MGRN1: variants seen among roughly 807,000 people sequenced by gnomAD.
MGRN1 encodes mahogunin ring finger 1.
Under a neutral mutation model 69.2 loss-of-function variants are expected in MGRN1, and 29 were observed. That is an observed-to-expected ratio of 0.42 (90% CI 0.31 to 0.57). The LOEUF (loss-of-function observed/expected upper bound fraction) is 0.57. Among genes scored for constraint, MGRN1 ranks in the 20% least tolerant of loss-of-function variants. The probability of loss-of-function intolerance (pLI) is 0.15; values close to 1 mark genes in which losing one functional copy is unlikely to be tolerated. For missense variants in MGRN1, 998 were observed against 796.2 expected (o/e 1.25, Z -3.05); for synonymous variants, 470 against 344.2 (o/e 1.37, Z -4.04).
intron 11 of MGRN1, among the ~76,000 whole-genome samples, chr16:4,678,834 A>G (rs2079112453): frequency 6.6e-6 from 1 of 152,244 alleles, no homozygotes. Context: ...GTTCACAGAC[A>G]GCGCCTTTGC....
At chr16:4,672,855 T>G (rs1054502077) in intron 9 of MGRN1, among the ~76,000 whole-genome samples, 1 of 152,246 alleles carries the variant, frequency 6.6e-6, no homozygotes, top group Admixed American at 6.5e-5. Flanking sequence ...TTGTTTGTTT[T>G]GAGATGGAGT....
intron 11 of MGRN1, among the ~76,000 whole-genome samples, chr16:4,678,310 A>G (rs953909838): frequency 6.6e-6 from 1 of 152,190 alleles, no homozygotes; most frequent in Non-Finnish European, 1.5e-5. Flanking sequence ...CCTGGCTTCA[A>G]GGACCCAAAG....
Position 4,683,252 on chromosome 16 carries a change from C to T in MGRN1, c.1511C>T (p.Ser504Leu), listed in dbSNP as rs61734739. The T allele has an allele frequency of 0.016, 26,363 of 1,613,718 alleles. 235 individuals carry two copies. The highest frequency in any genetic ancestry group is 0.02 in the Middle Eastern group (124 of 6,062). ...TTCATAACAGAAGAGGTTGATGAGT[C>T]GTCGTCACCACAGCAAGGTGAGCGC... ...ESFITEEVDE[S>L]SSPQQGTRAA... is the part of the protein sequence containing the mutation. The change falls in exon 15 of 17, where the codon TCG becomes TTG. Residue 504 changes from serine to leucine, a missense_variant. By Grantham distance (145) the Ser-to-Leu change is moderately radical (BLOSUM62 -2). Coordinates refer to ENST00000262370, the MANE Select transcript of MGRN1 (RefSeq NM_015246.4).
intron 16 of MGRN1, chr16:4,687,856 A>G: frequency 1.0e-6 from 1 of 985,474 alleles, no homozygotes; most frequent in Non-Finnish European, 1.2e-6. Flanking sequence ...CATTCCCATG[A>G]ACCTCTGTCT....
At position 4,657,260 on chromosome 16, in the gene MGRN1, G is replaced by C; in HGVS notation, c.458G>C (p.Ser153Thr). 6.2e-7 allele frequency: 1 copy of C among 1,613,914 alleles called. No homozygotes were observed. The highest frequency in any genetic ancestry group is 8.5e-7 in the Non-Finnish European group (1 of 1,179,806). Residue 153 changes from serine to threonine, a missense_variant, in exon 5 of 17, where the codon AGC becomes ACC. Coordinates refer to ENST00000262370, the MANE Select transcript of MGRN1 (RefSeq NM_015246.4). Reference protein sequence around the residue: ...LNGRAVYSPKSPSLQSETVHY... With the variant: ...LNGRAVYSPKTPSLQSETVHY... Reference sequence around the variant, plus strand: ...GCTCCCTGCAGATACAGCCCCAAGAGCCCCTCGCTACAGTCCGAGACCGTC... The same window carrying C: ...GCTCCCTGCAGATACAGCCCCAAGACCCCCTCGCTACAGTCCGAGACCGTC...
rs781335504 is a variant in MGRN1, at chr16:4,688,785, C to T, written c.1619-11C>T. 4 of 1,537,278 alleles carry T rather than the reference C, an allele frequency of 2.6e-6. No homozygotes were observed. Among genetic ancestry groups the T allele is most frequent in the Non-Finnish European group, 3.5e-6 (4 of 1,136,448 alleles). On this transcript the variant is annotated splice_polypyrimidine_tract_variant and intron_variant, in intron 16 of 16. Transcript: ENST00000262370. ...CGAGTGTGACCCTCCTCCCTCTGCT[C>T]CCACCTGCAGGACGGCCCACCTCCA...
chr16:4,656,173 G>T (rs2078533220), intron 4 of MGRN1, among the ~76,000 whole-genome samples: 2 of 152,356 alleles, frequency 1.3e-5, no homozygotes, highest in East Asian at 3.9e-4. Context: ...AGTTTTATCA[G>T]AAATGAAACT....
chr16:4,632,007 CTTTTTTTT>C (rs869090061), intron 1 of MGRN1, among the ~76,000 whole-genome samples: 11 of 64,838 alleles, frequency 1.7e-4, no homozygotes, highest in Admixed American at 7.4e-4. Flanking sequence ...AAAAAATTTC[CTTTTTTTT>C]TTTTTTTTTT....
At chr16:4,652,595 G>A (rs1029092923) in intron 3 of MGRN1, 83 bp from the exon 4 acceptor site, 17 of 1,495,216 alleles carry the variant, frequency 1.1e-5, no homozygotes, top group Non-Finnish European at 1.4e-5. Context: ...CACCTCCACG[G>A]CCCCTCAGCC....
chr16:4,656,687 C>T (rs2078546708), intron 4 of MGRN1, among the ~76,000 whole-genome samples: 1 of 152,108 alleles, frequency 6.6e-6, no homozygotes, highest in African/African-American at 2.4e-5. Flanking sequence ...TCGAGACCAG[C>T]TTGGCCAACA....
At position 4,682,863 on chromosome 16, in the gene MGRN1, G is replaced by A. The variant is rs1227200107; in HGVS notation, c.1399G>A (p.Glu467Lys). Residue 467 changes from glutamate to lysine, a missense_variant, in exon 14 of 17, where the codon GAG (glutamate) becomes AAG (lysine). By Grantham distance (56) the Glu-to-Lys change is moderately conservative. Coordinates refer to ENST00000262370, the MANE Select transcript of MGRN1 (RefSeq NM_015246.4). ...GTCTTCCCCCATCCACGAAGAGGAT[G>A]AGGAGAAGCTCTCCGAGGACGTGGA... ...SPSSPIHEEDEEKLSEDVDAP... is the reference protein window; with the variant it reads ...SPSSPIHEEDKEKLSEDVDAP... 1 of 1,609,038 alleles carries A rather than the reference G, an allele frequency of 6.2e-7. No individual in the cohort carries two copies. The highest frequency in any genetic ancestry group is 8.5e-7 in the Non-Finnish European group (1 of 1,176,390).
rs367993354 is a variant in MGRN1 at position 4,681,681 on chromosome 16, C to A, written c.1263C>A (p.Asp421Glu). 4 of 1,613,444 alleles carry A rather than the reference C, an allele frequency of 2.5e-6. No individual in the cohort carries two copies. The highest frequency in any genetic ancestry group is 3.4e-6 in the Non-Finnish European group (4 of 1,180,006). ...AAATCACCTATTCAGGCATCTCGGACGGCCTGTCCCAGGCCAGCTGTCCCC... is the reference window on the plus strand; with the variant it reads ...AAATCACCTATTCAGGCATCTCGGAAGGCCTGTCCCAGGCCAGCTGTCCCC... ...YEEITYSGIS[D>E]GLSQASCPLA... The change falls in exon 13 of 17, where the codon GAC becomes GAA. Residue 421 changes from aspartate to glutamate, a missense_variant. Physicochemically the swap from Asp to Glu is conservative, Grantham distance 45. Transcript: ENST00000262370.
intron 2 of MGRN1, chr16:4,650,852 A>C (rs990593980): frequency 1.2e-5 from 2 of 161,384 alleles, no homozygotes; most frequent in African/African-American, 4.8e-5. Flanking sequence ...CACGCCTGTA[A>C]TCCCAGCACT....
intron 14 of MGRN1, 78 bp downstream of exon 14, chr16:4,683,024 C>T (rs956110499): frequency 2.0e-6 from 3 of 1,485,960 alleles, no homozygotes; most frequent in South Asian, 2.7e-5. Context: ...AATCAGACCC[C>T]ATCCCACTGC....
chr16:4,663,422 C>G (rs909041826), intron 5 of MGRN1, among the ~76,000 whole-genome samples: 8 of 137,732 alleles, frequency 5.8e-5, no homozygotes, highest in African/African-American at 2.1e-4. Flanking sequence ...TTACCATCTC[C>G]TGCAGCTCAC....
At chr16:4,678,346 C>T (rs1475930526) in intron 11 of MGRN1, among the ~76,000 whole-genome samples, 1 of 152,082 alleles carries the variant, frequency 6.6e-6, no homozygotes, top group South Asian at 2.1e-4. Context: ...GAGAGAGATG[C>T]ACAGAGAAAC....
At position 4,650,413 on chromosome 16, in the gene MGRN1, C is replaced by G. The variant is rs779159728; in HGVS notation, c.137C>G (p.Thr46Ser). The change falls in exon 2 of 17, where the codon ACC becomes AGC. Residue 46 changes from threonine to serine, a missense_variant. Coordinates refer to ENST00000262370, the MANE Select transcript of MGRN1 (RefSeq NM_015246.4). Reference protein sequence around the residue: ...HFFMGGEKFDTPHPEGYLFGE... With the variant: ...HFFMGGEKFDSPHPEGYLFGE... ...TTCATGGGAGGAGAGAAATTCGACA[C>G]CCCCCACCCTGAAGGTTACCTCTTT... 1 of 1,613,880 alleles carries G rather than the reference C, an allele frequency of 6.2e-7. No individual in the cohort carries two copies. The highest frequency in any genetic ancestry group is 1.1e-5 in the South Asian group (1 of 91,046).
intron 4 of MGRN1, among the ~76,000 whole-genome samples, chr16:4,656,392 G>A (rs1006133154): frequency 1.3e-4 from 20 of 152,278 alleles, no homozygotes; most frequent in African/African-American, 3.1e-4. Flanking sequence ...GCATGAAAGA[G>A]CAGTGTTGAC....
intron 13 of MGRN1, 49 bp downstream of exon 13, chr16:4,681,825 G>A (rs778540042): frequency 6.7e-5 from 104 of 1,544,840 alleles, no homozygotes; most frequent in Admixed American, 1.3e-4. Context: ...GGTGGCGCGC[G>A]TGCGGAGCGG....
Sources: gnomAD v4.1 joint callset for allele counts (sites outside exome capture counted in the v4.1 genomes callset) on GRCh38, gnomAD v4.1.1 for gene constraint, MANE v1.5 for transcripts, NCBI Gene and HGNC (gene_info 2026-07-23, HGNC 2026-07-21) for gene names.